The following RYR2 variants were observed in gnomAD, a reference collection of about 807,000 sequenced individuals.
RYR2 encodes cardiac muscle ryanodine receptor-calcium release channel.
RYR2 carries 227 observed loss-of-function variants against 601.1 expected under a neutral mutation model. The observed-to-expected ratio is 0.38, with a 90% CI of 0.34 to 0.42. The LOEUF (loss-of-function observed/expected upper bound fraction) is 0.42, where lower values mean the gene tolerates loss of function less well. Among genes scored for constraint, RYR2 ranks in the 10% least tolerant of loss-of-function variants. The probability of loss-of-function intolerance (pLI) is 1.00; values close to 1 mark genes in which losing one functional copy is unlikely to be tolerated. For synonymous variants in RYR2, 2,223 were observed against 2,175.1 expected, an observed-to-expected ratio of 1.02 and a Z score of -0.61; for missense variants, 4,646 against 6,156.5, an observed-to-expected ratio of 0.75 and a Z score of 8.21.
chr1:237,214,522 A>T (rs1046865455), intron 1 of RYR2, among the ~76,000 whole-genome samples: 15 of 152,086 alleles, frequency 9.9e-5, no homozygotes, highest in Non-Finnish European at 1.9e-4. Context: ...CTCTCACAGG[A>T]ATGAATCCAG....
At chr1:237,249,598 A>T (rs773125381) in intron 1 of RYR2, among the ~76,000 whole-genome samples, 12 of 152,196 alleles carry the variant, frequency 7.9e-5, no homozygotes, top group Non-Finnish European at 1.5e-4. Context: ...GAAGTGGATT[A>T]TTCCAAGGTT....
At chr1:237,304,842 A>G (rs1279545887) in intron 2 of RYR2, among the ~76,000 whole-genome samples, 1 of 152,234 alleles carries the variant, frequency 6.6e-6, no homozygotes, top group Non-Finnish European at 1.5e-5. Context: ...ACCTGAAAAT[A>G]TCTAGAATAC....
chr1:237,198,019 G>C (rs1294406043), intron 1 of RYR2, among the ~76,000 whole-genome samples: 1 of 152,216 alleles, frequency 6.6e-6, no homozygotes, highest in Admixed American at 6.5e-5. Flanking sequence ...GATACACATG[G>C]ACATATTTTT....
At chr1:237,232,165 A>G (rs1685068308) in intron 1 of RYR2, among the ~76,000 whole-genome samples, 1 of 152,168 alleles carries the variant, frequency 6.6e-6, no homozygotes, top group Admixed American at 6.5e-5. Flanking sequence ...TATGCTAATG[A>G]ACTGATTGAT....
intron 1 of RYR2, among the ~76,000 whole-genome samples, chr1:237,189,138 T>A (rs932745535): frequency 1.1e-4 from 17 of 152,354 alleles, no homozygotes; most frequent in South Asian, 4.1e-4. Context: ...AGTGGAATAA[T>A]ACAGCATTTG....
chr1:237,568,542 T>A (rs1672334999), intron 28 of RYR2, among the ~76,000 whole-genome samples: 1 of 152,208 alleles, frequency 6.6e-6, no homozygotes. Context: ...TTTTGGCTTG[T>A]TACTTCAGCA....
chr1:237,797,444 A>T (rs1218291373), intron 96 of RYR2, among the ~76,000 whole-genome samples: 1 of 152,104 alleles, frequency 6.6e-6, no homozygotes. Context: ...GTGGCCAGAG[A>T]GTTGAAGGGT....
chr1:237,810,125 G>T (rs550565292), intron 100 of RYR2, among the ~76,000 whole-genome samples: 1 of 152,188 alleles, frequency 6.6e-6, no homozygotes, highest in East Asian at 1.9e-4. Context: ...GTCTGAGTAT[G>T]ACATAAAACT....
intron 1 of RYR2, among the ~76,000 whole-genome samples, chr1:237,160,060 T>G (rs916898043): frequency 6.6e-6 from 1 of 152,218 alleles, no homozygotes; most frequent in Non-Finnish European, 1.5e-5. Context: ...GCTCCTAGAA[T>G]AATCCTATGT....
chr1:237,526,865 T>A (rs1386968341), intron 24 of RYR2, among the ~76,000 whole-genome samples: 1 of 152,226 alleles, frequency 6.6e-6, no homozygotes, highest in Non-Finnish European at 1.5e-5. Context: ...ATGCATTTGC[T>A]TCTGGGATCT....
chr1:237,755,576 T>C (rs1692882126), intron 80 of RYR2, among the ~76,000 whole-genome samples: 1 of 152,264 alleles, frequency 6.6e-6, no homozygotes, highest in African/African-American at 2.4e-5. Flanking sequence ...TTGAACTTGC[T>C]GTGCCTTTAT....
intron 29 of RYR2, among the ~76,000 whole-genome samples, chr1:237,578,584 T>C (rs2805407): frequency 0.19 from 28,180 of 152,210 alleles, 3,330 homozygotes; most frequent in Admixed American, 0.27. Flanking sequence ...TTCAAAAGAT[T>C]TCTGAACTAG....
chr1:237,745,296 TG>T (rs1691978062), intron 80 of RYR2, among the ~76,000 whole-genome samples: 2 of 152,090 alleles, frequency 1.3e-5, no homozygotes, highest in Non-Finnish European at 2.9e-5. Flanking sequence ...TAGATAATAA[TG>T]GGTATAATAA....
At chr1:237,547,751 T>C (rs1669973847) in intron 25 of RYR2, among the ~76,000 whole-genome samples, 1 of 152,196 alleles carries the variant, frequency 6.6e-6, no homozygotes, top group Non-Finnish European at 1.5e-5. Context: ...CTTATACCTG[T>C]TTTATTACGA....
intron 101 of RYR2, among the ~76,000 whole-genome samples, chr1:237,827,876 G>A (rs1002796836): frequency 7.6e-6 from 1 of 132,220 alleles, no homozygotes; most frequent in Non-Finnish European, 1.6e-5. Context: ...GGCGGAGCTT[G>A]CAGTGAGCCG....
chr1:237,161,948 G>T (rs916783967), intron 1 of RYR2, among the ~76,000 whole-genome samples: 3 of 152,154 alleles, frequency 2.0e-5, no homozygotes, highest in African/African-American at 4.8e-5. Context: ...GTGAACATTT[G>T]TTGAGCACCT....
intron 10 of RYR2, among the ~76,000 whole-genome samples, chr1:237,392,987 T>G (rs1041779575): frequency 3.9e-5 from 6 of 152,156 alleles, no homozygotes; most frequent in African/African-American, 1.2e-4. Context: ...ATAAATACGT[T>G]TATTTCTAAA....
At position 237,707,277 on chromosome 1, in the gene RYR2, C is replaced by T. The variant is rs1162594126; in HGVS notation, c.9901+8C>T. On this transcript the variant is annotated splice_region_variant and intron_variant, in intron 68 of 104. Coordinates refer to ENST00000366574, the MANE Select transcript of RYR2 (RefSeq NM_001035.3). Reference sequence around the variant, plus strand: ...GGATGAAGAGGCTAGCAGGTAAGAACTGGAAGAAGACATTGTACCCCTGAA... The same window carrying T: ...GGATGAAGAGGCTAGCAGGTAAGAATTGGAAGAAGACATTGTACCCCTGAA... 2 of 1,408,988 alleles carry T rather than the reference C, an allele frequency of 1.4e-6. No individual in the cohort carries two copies. The highest frequency in any genetic ancestry group is 2.4e-5 in the East Asian group (1 of 40,942). The allele number at this position is 1,408,988 out of a possible 1,614,324, so 87.3% of individuals were successfully genotyped here.
rs771502164 is a variant in RYR2 at position 237,625,654 on chromosome 1, A to G, written c.6023-7A>G. The stretch of plus-strand genomic sequence containing the variant: ...TTTTTTTCTGCCTCTCTGTTTTTTT[A>G]TACTAGGAATTGAGCTGGATGAAGA... On this transcript the variant is annotated splice_region_variant and splice_polypyrimidine_tract_variant and intron_variant, in intron 39 of 104. Transcript: ENST00000366574. 1.4e-5 allele frequency: 22 copies of G among 1,606,186 alleles called. No homozygotes were observed. Among genetic ancestry groups the G allele is most frequent in the Non-Finnish European group, 1.8e-5 (21 of 1,177,398 alleles).
Sources: gnomAD v4.1 joint callset for allele counts (sites outside exome capture counted in the v4.1 genomes callset) on GRCh38, gnomAD v4.1.1 for gene constraint, MANE v1.5 for transcripts, NCBI Gene and HGNC (gene_info 2026-07-23, HGNC 2026-07-21) for gene names.